The following PDE8B variants were observed in gnomAD, a reference collection of about 807,000 sequenced individuals.
PDE8B encodes phosphodiesterase 8B.
A neutral mutation model predicts 101.3 loss-of-function variants in PDE8B; 26 were observed. That is an observed-to-expected ratio of 0.26 (90% CI 0.19 to 0.36). PDE8B has a LOEUF of 0.36. Among genes scored for constraint, PDE8B ranks in the 10% least tolerant of loss-of-function variants. The pLI, the probability that PDE8B is intolerant of heterozygous loss-of-function variation, is 1.00. For synonymous variants in PDE8B, 424 were observed against 429.3 expected (o/e 0.99, Z 0.15); for missense variants, 810 against 1,163.1 (o/e 0.70, Z 4.42).
At chr5:77,311,047 C>G (rs1772479898) in intron 1 of PDE8B, among the ~76,000 whole-genome samples, 1 of 152,146 alleles carries the variant, frequency 6.6e-6, no homozygotes, top group South Asian at 2.1e-4. Context: ...TGTGTAAATG[C>G]TGCTGCGTGC....
chr5:77,258,927 G>T (rs953798607), intron 1 of PDE8B, among the ~76,000 whole-genome samples: 5 of 152,048 alleles, frequency 3.3e-5, no homozygotes, highest in Admixed American at 6.5e-5. Context: ...GAGGCAAAAA[G>T]GGAGAAATTG....
chr5:77,208,046 C>A (rs1481914703), upstream of PDE8B, among the ~76,000 whole-genome samples: 1 of 152,198 alleles, frequency 6.6e-6, no homozygotes, highest in Non-Finnish European at 1.5e-5. Flanking sequence ...TAGTCCTATT[C>A]ACTAGCTACC....
chr5:77,219,885 T>C (rs963841699), intron 1 of PDE8B, among the ~76,000 whole-genome samples: 4 of 152,156 alleles, frequency 2.6e-5, no homozygotes, highest in African/African-American at 9.7e-5. Flanking sequence ...GGAGCAAGGA[T>C]CAGCTTAGTC....
At chr5:77,317,880 A>G (rs1774101736) in intron 2 of PDE8B, among the ~76,000 whole-genome samples, 1 of 151,934 alleles carries the variant, frequency 6.6e-6, no homozygotes, top group South Asian at 2.1e-4. Flanking sequence ...AAGATGGTGA[A>G]ACCCCGTCTT....
chr5:77,322,977 T>C (rs1050244433), intron 2 of PDE8B, among the ~76,000 whole-genome samples: 1 of 152,208 alleles, frequency 6.6e-6, no homozygotes, highest in African/African-American at 2.4e-5. Flanking sequence ...GGCATAATGG[T>C]GTCAAGGAAA....
At chr5:77,182,229 T>C in the PDE8B span, among the ~76,000 whole-genome samples, 951 of 151,966 alleles carry the variant, frequency 6.3e-3, 4 homozygotes, top group Admixed American at 0.011. Flanking sequence ...TTCTTTGCAG[T>C]CTTGCTACAG....
chr5:77,408,841 TG>T, intron 13 of PDE8B, 51 bp from the exon 14 acceptor site: 1 of 1,434,852 alleles, frequency 7.0e-7, no homozygotes, highest in East Asian at 2.3e-5. Context: ...ATATGACTTT[TG>T]GGAAGTAGAA....
chr5:77,294,094 T>C (rs1353207321), intron 1 of PDE8B, among the ~76,000 whole-genome samples: 3 of 152,196 alleles, frequency 2.0e-5, no homozygotes, highest in Non-Finnish European at 4.4e-5. Flanking sequence ...TCCTGCTCTG[T>C]AGTATAATTT....
intron 20 of PDE8B, among the ~76,000 whole-genome samples, chr5:77,425,144 T>C (rs528298401): frequency 1.3e-5 from 2 of 152,240 alleles, no homozygotes; most frequent in Non-Finnish European, 2.9e-5. Flanking sequence ...AGTTTTGGTA[T>C]GAGAATTTGT....
At chr5:77,390,426 T>C (rs1253202412) in intron 10 of PDE8B, among the ~76,000 whole-genome samples, 1 of 152,200 alleles carries the variant, frequency 6.6e-6, no homozygotes, top group Non-Finnish European at 1.5e-5. Context: ...GAGAGCAGTA[T>C]TCACATTGCA....
At chr5:77,143,044 C>T in the PDE8B span, among the ~76,000 whole-genome samples, 3 of 152,104 alleles carry the variant, frequency 2.0e-5, no homozygotes, top group East Asian at 1.9e-4. Flanking sequence ...TAGGAGACTT[C>T]GGGGAACCCT....
chr5:77,224,111 T>C (rs952585791), intron 1 of PDE8B, among the ~76,000 whole-genome samples: 33 of 152,334 alleles, frequency 2.2e-4, no homozygotes, highest in Middle Eastern at 6.8e-3. Context: ...TATGCTGTAC[T>C]GTGGTCTTGT....
intron 10 of PDE8B, among the ~76,000 whole-genome samples, chr5:77,379,003 T>C (rs987886133): frequency 2.0e-5 from 2 of 99,710 alleles, no homozygotes; most frequent in Non-Finnish European, 2.8e-5. Context: ...AGATAAAACA[T>C]TTAAGCCTGA....
intron 1 of PDE8B, among the ~76,000 whole-genome samples, chr5:77,287,696 A>G (rs1026425603): frequency 5.3e-5 from 8 of 151,550 alleles, no homozygotes; most frequent in African/African-American, 1.9e-4. Flanking sequence ...TTTTTTTCTG[A>G]CATATATTCC....
intron 1 of PDE8B, among the ~76,000 whole-genome samples, chr5:77,299,125 C>A (rs2150019146): frequency 6.6e-6 from 1 of 152,258 alleles, no homozygotes; most frequent in Admixed American, 6.5e-5. Context: ...TACACAAAGG[C>A]CCCAAGGCCC....
In PDE8B at chr5:77,379,180, C is replaced by T. The variant is rs115586172; in HGVS notation, c.1168-21068C>T. Among the ~76,000 whole-genome samples, 549 of 152,154 alleles carry T rather than the reference C, an allele frequency of 3.6e-3. 3 individuals carry two copies. Among genetic ancestry groups the T allele is most frequent in the African/African-American group, 0.013 (520 of 41,486 alleles). ...GCTAAGAGAAGTTATGACCAAGGGACAGTATAATATCTGAAGATGTAGACC... is the reference window on the plus strand; with the variant it reads ...GCTAAGAGAAGTTATGACCAAGGGATAGTATAATATCTGAAGATGTAGACC... On this transcript the variant is annotated intron_variant, in intron 10 of 21. Transcript: ENST00000264917.
At chr5:77,098,880 T>C in the PDE8B span, 1 of 151,392 alleles carries the variant, frequency 6.6e-6, no homozygotes, top group Non-Finnish European at 1.5e-5. Context: ...TGAGGGAGAG[T>C]GCACTAAATT....
At chr5:77,333,573 C>T (rs1367256237) in intron 5 of PDE8B, among the ~76,000 whole-genome samples, 2 of 152,168 alleles carry the variant, frequency 1.3e-5, no homozygotes, top group Non-Finnish European at 2.9e-5. Context: ...GACCCATGTA[C>T]GTGCTGTTGA....
At chr5:77,375,584 C>CCAT (rs1328804366) in intron 10 of PDE8B, among the ~76,000 whole-genome samples, 4 of 152,140 alleles carry the variant, frequency 2.6e-5, no homozygotes, top group Non-Finnish European at 5.9e-5. Context: ...CATCTCCCCT[C>CCAT]CATCAGCCAG....
Sources: gnomAD v4.1 joint callset for allele counts (sites outside exome capture counted in the v4.1 genomes callset) on GRCh38, gnomAD v4.1.1 for gene constraint, MANE v1.5 for transcripts, NCBI Gene and HGNC (gene_info 2026-07-23, HGNC 2026-07-21) for gene names.